NR3C2: variants seen among roughly 807,000 people sequenced by gnomAD.
The protein encoded by NR3C2 is mineralocorticoid receptor.
A neutral mutation model predicts 86.4 loss-of-function variants in NR3C2; 15 were observed. The ratio of observed to expected loss-of-function variants is 0.17; its 90% confidence interval spans 0.12 to 0.27. NR3C2 has a LOEUF of 0.27. NR3C2 is among the 10% of genes least tolerant of loss of function. The probability of loss-of-function intolerance (pLI) is 1.00; values close to 1 mark genes in which losing one functional copy is unlikely to be tolerated. For missense variants in NR3C2, 960 were observed against 1,195.6 expected (o/e 0.80, Z 2.91); for synonymous variants, 458 against 450.5 (o/e 1.02, Z -0.21).
chr4:148,155,291 G>C (rs1025294527), intron 4 of NR3C2, among the ~76,000 whole-genome samples: 2 of 152,110 alleles, frequency 1.3e-5, no homozygotes, highest in Non-Finnish European at 2.9e-5. Flanking sequence ...GATCGGTAAG[G>C]GTATTCAATT....
At chr4:148,203,072 T>A (rs1327791328) in intron 3 of NR3C2, among the ~76,000 whole-genome samples, 3 of 152,212 alleles carry the variant, frequency 2.0e-5, no homozygotes, top group Non-Finnish European at 4.4e-5. Flanking sequence ...AGTATTTAAA[T>A]AAAAGGGACA....
chr4:148,152,579 G>A lies in NR3C2; in HGVS notation c.2400C>T (p.Thr800=). 1 of 1,613,846 alleles carries A rather than the reference G, an allele frequency of 6.2e-7. No individual in the cohort carries two copies. ...FKNLPLEDQI[T]LIQYSWMCLS... ...GACACATCCAAGAATACTGGATTAG[G>A]GTAATTTGGTCCTCAAGAGGCAAGT... Residue 800 remains threonine (T), a synonymous_variant, in exon 6 of 9, where the codon ACC becomes ACT. Coordinates refer to ENST00000358102, the MANE Select transcript of NR3C2 (RefSeq NM_000901.5).
intron 8 of NR3C2, among the ~76,000 whole-genome samples, chr4:148,084,727 T>C (rs1421442404): frequency 2.6e-5 from 4 of 152,104 alleles, no homozygotes; most frequent in African/African-American, 9.7e-5. Flanking sequence ...GCAAATTCAA[T>C]CAAGAGTCAA....
chr4:148,440,574 A>T (rs1456066005), intron 1 of NR3C2, among the ~76,000 whole-genome samples: 2 of 152,250 alleles, frequency 1.3e-5, no homozygotes, highest in Non-Finnish European at 2.9e-5. Context: ...CTTAGGACAA[A>T]TGCAAAAAAC....
At chr4:148,220,941 C>A (rs1322387037) in intron 3 of NR3C2, among the ~76,000 whole-genome samples, 1 of 150,566 alleles carries the variant, frequency 6.6e-6, no homozygotes, top group Non-Finnish European at 1.5e-5. Flanking sequence ...TCAGACTCAA[C>A]CAACATTTCT....
Position 148,351,544 on chromosome 4 carries a change from T to C in NR3C2, c.1757+83560A>G, listed in dbSNP as rs1256418438. On this transcript the variant is annotated intron_variant, in intron 2 of 8. Transcript: ENST00000358102. ...GCAGATGCCCTACCATTGACCTTTG[T>C]CAGCAGTGGGATCCTGGAAAGAGCC... Among the ~76,000 whole-genome samples, 3 of 152,166 alleles carry C rather than the reference T, an allele frequency of 2.0e-5. No homozygotes were observed. In the East Asian group the frequency reaches 5.8e-4, roughly 29 times the overall value.
At chr4:148,177,291 T>A (rs889801275) in intron 4 of NR3C2, among the ~76,000 whole-genome samples, 5 of 152,220 alleles carry the variant, frequency 3.3e-5, no homozygotes, top group African/African-American at 1.2e-4. Context: ...TAGTGCCTTT[T>A]AAGGTATATT....
At chr4:148,423,956 G>C (rs1284911563) in intron 2 of NR3C2, among the ~76,000 whole-genome samples, 1 of 152,156 alleles carries the variant, frequency 6.6e-6, no homozygotes, top group Non-Finnish European at 1.5e-5. Flanking sequence ...CAGAAAATCT[G>C]CCCACCTAGG....
intron 2 of NR3C2, 75 bp downstream of exon 2, chr4:148,435,029 C>G: frequency 7.3e-7 from 1 of 1,371,008 alleles, no homozygotes; most frequent in Non-Finnish European, 1.0e-6. Context: ...TTAAATTTAT[C>G]AACTGTAAAG....
At chr4:148,164,888 T>G (rs1173143154) in intron 4 of NR3C2, among the ~76,000 whole-genome samples, 1 of 152,224 alleles carries the variant, frequency 6.6e-6, no homozygotes, top group African/African-American at 2.4e-5. Flanking sequence ...TCTAGCATGA[T>G]CTTCACTAGG....
At chr4:148,199,865 T>C (rs746005207) in intron 3 of NR3C2, among the ~76,000 whole-genome samples, 5 of 152,214 alleles carry the variant, frequency 3.3e-5, no homozygotes, top group Non-Finnish European at 5.9e-5. Flanking sequence ...AACCTGTACA[T>C]GTACCTCTGA....
intron 2 of NR3C2, among the ~76,000 whole-genome samples, chr4:148,366,329 G>A (rs888030025): frequency 8.4e-6 from 1 of 119,380 alleles, no homozygotes; most frequent in Admixed American, 8.7e-5. Context: ...GTCATGGCTT[G>A]CTCCCTGGCT....
At chr4:148,421,898 T>C (rs2126609196) in intron 2 of NR3C2, among the ~76,000 whole-genome samples, 1 of 152,228 alleles carries the variant, frequency 6.6e-6, no homozygotes, top group African/African-American at 2.4e-5. Flanking sequence ...GCACAGTTCA[T>C]GAAATTATAC....
intron 3 of NR3C2, among the ~76,000 whole-genome samples, chr4:148,207,312 C>G (rs909073606): frequency 1.3e-5 from 2 of 152,174 alleles, no homozygotes; most frequent in Non-Finnish European, 2.9e-5. Context: ...TGGCAGGATT[C>G]AAACTCAAGT....
chr4:148,109,315 C>G (rs1037672709), intron 8 of NR3C2, among the ~76,000 whole-genome samples: 1 of 152,184 alleles, frequency 6.6e-6, no homozygotes, highest in Non-Finnish European at 1.5e-5. Flanking sequence ...CAGGTGCTGT[C>G]TGGCTGCCCT....
chr4:148,154,474 T>C, intron 5 of NR3C2, 77 bp downstream of exon 5: 1 of 1,279,792 alleles, frequency 7.8e-7, no homozygotes, highest in Non-Finnish European at 1.1e-6. Context: ...TCCTCCTGCA[T>C]GGTTGGAGAT....
At chr4:148,239,126 T>C (rs1187126906) in intron 3 of NR3C2, among the ~76,000 whole-genome samples, 3 of 152,230 alleles carry the variant, frequency 2.0e-5, no homozygotes, top group Non-Finnish European at 4.4e-5. Context: ...AGTTCGTATA[T>C]GATGCTGAAG....
At chr4:148,411,003 G>C (rs900512035) in intron 2 of NR3C2, among the ~76,000 whole-genome samples, 2 of 152,166 alleles carry the variant, frequency 1.3e-5, no homozygotes, top group African/African-American at 4.8e-5. Flanking sequence ...TCAACTCAAT[G>C]TCATCTTATA....
chr4:148,236,304 CTG>C (rs1352820417), intron 3 of NR3C2, among the ~76,000 whole-genome samples: 1 of 152,198 alleles, frequency 6.6e-6, no homozygotes. Flanking sequence ...AGGAATTGTT[CTG>C]TGTTTACTTC....
Sources: gnomAD v4.1 joint callset for allele counts (sites outside exome capture counted in the v4.1 genomes callset) on GRCh38, gnomAD v4.1.1 for gene constraint, MANE v1.5 for transcripts, NCBI Gene and HGNC (gene_info 2026-07-23, HGNC 2026-07-21) for gene names.